The following LINGO2 variants were observed in gnomAD, a reference collection of about 807,000 sequenced individuals.
The protein encoded by LINGO2 is leucine rich repeat and Ig domain containing 2, also known as leucine-rich repeat and immunoglobulin-like domain-containing nogo receptor-interacting protein 2.
In LINGO2, 14 loss-of-function variants were observed where a neutral mutation model predicts 30.6. The observed-to-expected ratio is 0.46, with a 90% CI of 0.30 to 0.72. The LOEUF is 0.72. LINGO2 is among the 30% of genes least tolerant of loss of function. LINGO2 has a pLI of 0.07. For missense variants in LINGO2, 729 were observed against 751.7 expected (o/e 0.97, Z 0.35); for synonymous variants, 317 against 288.5 (o/e 1.10, Z -1.00).
chr9:29,012,929 TAA>T, the LINGO2 span, among the ~76,000 whole-genome samples: 2 of 152,180 alleles, frequency 1.3e-5, no homozygotes, highest in Admixed American at 1.3e-4. Context: ...TGAAAGATAT[TAA>T]GTCCTAGATA....
chr9:28,624,589 T>C (rs1422739574), intron 1 of LINGO2, among the ~76,000 whole-genome samples: 2 of 151,928 alleles, frequency 1.3e-5, no homozygotes, highest in Non-Finnish European at 2.9e-5. Context: ...TTATCGAGGA[T>C]TTTTTCATTG....
At chr9:28,743,798 C>A in the LINGO2 span, among the ~76,000 whole-genome samples, 1 of 151,618 alleles carries the variant, frequency 6.6e-6, no homozygotes, top group East Asian at 1.9e-4. Flanking sequence ...CTATGGATCT[C>A]TTTTTGTTGA....
At chr9:28,626,097 C>A (rs7861296) in intron 1 of LINGO2, among the ~76,000 whole-genome samples, 1 of 152,026 alleles carries the variant, frequency 6.6e-6, no homozygotes, top group Non-Finnish European at 1.5e-5. Context: ...TATTCTCATT[C>A]TTTTAAATTG....
intron 4 of LINGO2, among the ~76,000 whole-genome samples, chr9:28,189,657 A>G (rs796902620): frequency 2.1e-3 from 66 of 30,896 alleles, no homozygotes; most frequent in South Asian, 3.5e-3. Context: ...GGGAGGAAGG[A>G]AGGAAGGAAG....
At chr9:28,178,718 T>C (rs1204579707) in intron 4 of LINGO2, among the ~76,000 whole-genome samples, 1 of 152,184 alleles carries the variant, frequency 6.6e-6, no homozygotes, top group Non-Finnish European at 1.5e-5. Flanking sequence ...TGAGTTCTCA[T>C]GTTTTTATTC....
At chr9:28,029,187 G>C (rs2119441936) in intron 4 of LINGO2, among the ~76,000 whole-genome samples, 1 of 151,722 alleles carries the variant, frequency 6.6e-6, no homozygotes, top group Middle Eastern at 3.4e-3. Context: ...CAAGTGATAA[G>C]ACAATTTTTC....
chr9:29,086,240 G>A, the LINGO2 span, among the ~76,000 whole-genome samples: 3 of 152,224 alleles, frequency 2.0e-5, no homozygotes, highest in East Asian at 5.8e-4. Flanking sequence ...GGATGTAAGA[G>A]TTAATTAAGA....
chr9:29,006,761 G>T, the LINGO2 span, among the ~76,000 whole-genome samples: 1 of 152,062 alleles, frequency 6.6e-6, no homozygotes, highest in East Asian at 1.9e-4. Flanking sequence ...CACCTTACAT[G>T]ATCAAATGAG....
intron 2 of LINGO2, among the ~76,000 whole-genome samples, chr9:28,427,283 G>A (rs1823452480): frequency 6.6e-6 from 1 of 152,062 alleles, no homozygotes; most frequent in African/African-American, 2.4e-5. Flanking sequence ...GGATAATGGG[G>A]CACTAGAGGG....
chr9:28,922,730 T>G, the LINGO2 span, among the ~76,000 whole-genome samples: 2 of 152,210 alleles, frequency 1.3e-5, no homozygotes, highest in African/African-American at 4.8e-5. Flanking sequence ...TGTCACTACT[T>G]TGCGACACGG....
the LINGO2 span, among the ~76,000 whole-genome samples, chr9:29,164,651 A>G: frequency 6.6e-6 from 1 of 152,126 alleles, no homozygotes; most frequent in Non-Finnish European, 1.5e-5. Context: ...AAAATTAAGA[A>G]GCAGAATTTC....
At chr9:28,496,010 C>G (rs150860425) in intron 1 of LINGO2, among the ~76,000 whole-genome samples, 2,593 of 150,896 alleles carry the variant, frequency 0.017, 70 homozygotes, top group East Asian at 0.079. Flanking sequence ...TTTGATTGCA[C>G]TGTGGTCTGA....
At chr9:28,058,125 C>T (rs949569145) in intron 4 of LINGO2, among the ~76,000 whole-genome samples, 3 of 151,984 alleles carry the variant, frequency 2.0e-5, no homozygotes, top group Non-Finnish European at 2.9e-5. Context: ...AGATACTTAC[C>T]CTTGCCAATA....
intron 3 of LINGO2, among the ~76,000 whole-genome samples, chr9:28,354,453 T>A (rs1421450679): frequency 1.3e-5 from 2 of 152,196 alleles, no homozygotes; most frequent in African/African-American, 2.4e-5. Flanking sequence ...GTAATAGCGT[T>A]AGGTGTTCTA....
the LINGO2 span, among the ~76,000 whole-genome samples, chr9:28,928,880 C>T: frequency 4.6e-5 from 7 of 152,120 alleles, no homozygotes; most frequent in Admixed American, 3.3e-4. Context: ...TTCTGCACTC[C>T]TGCCCAGGGG....
chr9:28,695,945 C>T, the LINGO2 span, among the ~76,000 whole-genome samples: 1 of 151,874 alleles, frequency 6.6e-6, no homozygotes, highest in South Asian at 2.1e-4. Flanking sequence ...ACGCTCTTTA[C>T]ATTGATGTTT....
At chr9:28,721,439 G>A in the LINGO2 span, among the ~76,000 whole-genome samples, 3 of 152,104 alleles carry the variant, frequency 2.0e-5, no homozygotes, top group African/African-American at 7.2e-5. Flanking sequence ...ACTGGATAAA[G>A]AAAATGTGGC....
intron 1 of LINGO2, among the ~76,000 whole-genome samples, chr9:28,658,944 G>A (rs1003662738): frequency 6.6e-6 from 1 of 152,042 alleles, no homozygotes; most frequent in Non-Finnish European, 1.5e-5. Context: ...TTCCCTAAAT[G>A]TTTCATAAAG....
At chr9:28,631,383 TAAC>T in intron 1 of LINGO2, among the ~76,000 whole-genome samples, 1 of 151,234 alleles carries the variant, frequency 6.6e-6, no homozygotes, top group Non-Finnish European at 1.5e-5. Flanking sequence ...GTTTTAGGTC[TAAC>T]ATTTAAGTCT....
Sources: allele counts gnomAD v4.1 joint callset (sites outside exome capture counted in the v4.1 genomes callset), GRCh38; gene constraint gnomAD v4.1.1; transcripts MANE v1.5; gene names NCBI Gene and HGNC (gene_info 2026-07-23, HGNC 2026-07-21).